The following MGAT4C variants were observed in gnomAD, a reference collection of about 807,000 sequenced individuals.
MGAT4C encodes the protein MGAT4 family member C.
A neutral mutation model predicts 40.1 loss-of-function variants in MGAT4C; 19 were observed. The observed-to-expected ratio is 0.47, with a 90% confidence interval of 0.33 to 0.70. The LOEUF (loss-of-function observed/expected upper bound fraction) is 0.70, where lower values mean the gene tolerates loss of function less well. MGAT4C is among the 30% of genes least tolerant of loss of function. The probability of loss-of-function intolerance (pLI) is 0.02; values close to 1 mark genes in which losing one functional copy is unlikely to be tolerated. For missense variants in MGAT4C, 491 were observed against 563.2 expected, an observed-to-expected ratio of 0.87 and a Z score of 1.30; for synonymous variants, 181 against 187.1, an observed-to-expected ratio of 0.97 and a Z score of 0.27.
At chr12:86,144,932 A>G (rs956065331) in intron 1 of MGAT4C, among the ~76,000 whole-genome samples, 1 of 152,140 alleles carries the variant, frequency 6.6e-6, no homozygotes, top group Non-Finnish European at 1.5e-5. Context: ...TCTTCATTTC[A>G]CATTTTGCTT....
intron 3 of MGAT4C, among the ~76,000 whole-genome samples, chr12:86,426,933 C>T (rs573615603): frequency 3.0e-4 from 45 of 151,290 alleles, no homozygotes; most frequent in African/African-American, 9.7e-4. Context: ...GGCAACAGAG[C>T]GAGAATCCAT....
chr12:86,279,256 G>A (rs146314488), intron 4 of MGAT4C, among the ~76,000 whole-genome samples: 4 of 152,210 alleles, frequency 2.6e-5, no homozygotes, highest in African/African-American at 9.6e-5. Flanking sequence ...TCAAATGTTT[G>A]GTAGAATTCA....
rs112081101 is a variant in MGAT4C at position 86,458,619 on chromosome 12, C to T, written c.-228-23354G>A. On this transcript the variant is annotated intron_variant, in intron 2 of 7. Transcript: ENST00000548651. ...TTTACTCCTCACAATTCTGAAAGAC[C>T]GTATTAAGAGAATGAAGAAGAAACA... Among the ~76,000 whole-genome samples the T allele has an allele frequency of 6.5e-3, 990 of 152,100 alleles. 11 individuals carry two copies. The highest frequency in any genetic ancestry group is 0.023 in the African/African-American group (946 of 41,484).
intron 1 of MGAT4C, among the ~76,000 whole-genome samples, chr12:86,825,149 C>T (rs1335155913): frequency 1.3e-5 from 2 of 150,808 alleles, no homozygotes; most frequent in African/African-American, 2.4e-5. Flanking sequence ...GTACTTAATG[C>T]CTAAATATAG....
At chr12:86,383,789 T>A (rs1955999954) in intron 3 of MGAT4C, among the ~76,000 whole-genome samples, 1 of 152,116 alleles carries the variant, frequency 6.6e-6, no homozygotes, top group Admixed American at 6.5e-5. Flanking sequence ...AATGTAGACT[T>A]TTAAGTTAAT....
chr12:86,251,495 G>T (rs192523141), intron 1 of MGAT4C, among the ~76,000 whole-genome samples: 3 of 152,110 alleles, frequency 2.0e-5, no homozygotes, highest in Admixed American at 2.0e-4. Context: ...AAAAGCATCT[G>T]CTCTTTTCTT....
intron 2 of MGAT4C, among the ~76,000 whole-genome samples, chr12:86,580,422 T>A (rs1318765861): frequency 6.6e-6 from 1 of 151,442 alleles, no homozygotes; most frequent in Non-Finnish European, 1.5e-5. Context: ...TATAGTCTGG[T>A]TCATAGTAGG....
At chr12:86,428,991 C>T (rs1956982665) in intron 3 of MGAT4C, among the ~76,000 whole-genome samples, 1 of 151,864 alleles carries the variant, frequency 6.6e-6, no homozygotes, top group African/African-American at 2.4e-5. Flanking sequence ...TTCCCATGTG[C>T]TAACTTTGGG....
intron 1 of MGAT4C, among the ~76,000 whole-genome samples, chr12:86,178,137 C>T (rs145242075): frequency 0.018 from 2,799 of 152,176 alleles, 34 homozygotes; most frequent in Non-Finnish European, 0.028. Context: ...AGGGTTTCAC[C>T]GTGTTAGCCA....
At chr12:86,230,685 T>A (rs1951279827) in intron 1 of MGAT4C, among the ~76,000 whole-genome samples, 1 of 152,188 alleles carries the variant, frequency 6.6e-6, no homozygotes, top group African/African-American at 2.4e-5. Context: ...TAAATTGCAC[T>A]TTCATATGTT....
At chr12:86,578,137 T>C (rs925316665) in intron 2 of MGAT4C, among the ~76,000 whole-genome samples, 5 of 151,716 alleles carry the variant, frequency 3.3e-5, no homozygotes, top group African/African-American at 1.2e-4. Flanking sequence ...CCTATCTGTG[T>C]GGTAAGGGAG....
chr12:86,402,569 G>A (rs1246074957), intron 3 of MGAT4C, among the ~76,000 whole-genome samples: 6 of 152,056 alleles, frequency 3.9e-5, no homozygotes, highest in Admixed American at 3.3e-4. Context: ...AAGATAGATA[G>A]GTAGATAATA....
At chr12:86,735,348 G>T (rs1565955376) in intron 1 of MGAT4C, among the ~76,000 whole-genome samples, 2 of 151,774 alleles carry the variant, frequency 1.3e-5, no homozygotes, top group South Asian at 4.2e-4. Flanking sequence ...GATTTCAGTT[G>T]ATGAAATCAT....
intron 2 of MGAT4C, among the ~76,000 whole-genome samples, chr12:86,471,736 G>A (rs1365990601): frequency 6.6e-6 from 1 of 152,068 alleles, no homozygotes; most frequent in African/African-American, 2.4e-5. Flanking sequence ...ATGTAGAAGA[G>A]AGAAGCTGAA....
intron 1 of MGAT4C, among the ~76,000 whole-genome samples, chr12:86,767,082 T>C (rs953810568): frequency 5.3e-5 from 8 of 152,092 alleles, no homozygotes; most frequent in African/African-American, 1.9e-4. Flanking sequence ...ATCCAGAAGC[T>C]GGTTTTTTGA....
At chr12:86,704,866 A>T (rs1950427337) in intron 2 of MGAT4C, among the ~76,000 whole-genome samples, 1 of 152,144 alleles carries the variant, frequency 6.6e-6, no homozygotes. Context: ...CAACCATGTC[A>T]CTGTCATAAA....
chr12:86,418,268 T>C (rs892042952), intron 3 of MGAT4C, among the ~76,000 whole-genome samples: 1 of 152,118 alleles, frequency 6.6e-6, no homozygotes. Flanking sequence ...GTCTGGGTTA[T>C]GCTAGAGTGG....
At chr12:86,463,811 T>C (rs1292444816) in intron 2 of MGAT4C, among the ~76,000 whole-genome samples, 1 of 152,224 alleles carries the variant, frequency 6.6e-6, no homozygotes, top group Non-Finnish European at 1.5e-5. Context: ...TACTTTGCTA[T>C]GTTTTCCTTA....
intron 1 of MGAT4C, among the ~76,000 whole-genome samples, chr12:86,755,354 C>T (rs926957084): frequency 2.0e-5 from 3 of 152,104 alleles, no homozygotes; most frequent in African/African-American, 7.2e-5. Flanking sequence ...ATCAACATTT[C>T]TATACATCTG....
Sources: gnomAD v4.1 joint callset for allele counts (sites outside exome capture counted in the v4.1 genomes callset) on GRCh38, gnomAD v4.1.1 for gene constraint, MANE v1.5 for transcripts, NCBI Gene and HGNC (gene_info 2026-07-23, HGNC 2026-07-21) for gene names.